Variants in CSNK1G2 observed in about 807,000 individuals in gnomAD.
The protein encoded by CSNK1G2 is casein kinase 1 gamma 2, also known as casein kinase I isoform gamma-2.
CSNK1G2 carries 11 observed loss-of-function variants against 48.0 expected under a neutral mutation model. The observed-to-expected ratio is 0.23, with a 90% confidence interval of 0.14 to 0.38. The LOEUF is 0.38. Ranked by LOEUF, CSNK1G2 falls within the 10% of genes least tolerant of loss-of-function variation. The pLI is 1.00. For synonymous variants in CSNK1G2, 337 were observed against 254.1 expected (o/e 1.33, Z -3.10); for missense variants, 446 against 595.5 (o/e 0.75, Z 2.61).
At chr19:1,976,417 T>C (rs1017603916) in intron 2 of CSNK1G2, among the ~76,000 whole-genome samples, 1 of 152,154 alleles carries the variant, frequency 6.6e-6, no homozygotes, top group Non-Finnish European at 1.5e-5. Context: ...TGAGGCTGTT[T>C]AGGGAACTTG....
chr19:1,954,175 G>T (rs2014895180), intron 1 of CSNK1G2: 1 of 405,164 alleles, frequency 2.5e-6, no homozygotes, highest in Non-Finnish European at 4.9e-6. Flanking sequence ...GTTTGTCCTG[G>T]CCGCGGCAGC....
rs536139991 is a variant in CSNK1G2, at chr19:1,957,447, C to T, written c.-265-12061C>T. ...GCAGCCTGGGAGAGAAGGGGGCTGC[C>T]CCGAGCGGCTTGGGTGGCCGGGCCT... On this transcript the variant is annotated intron_variant, in intron 1 of 11. Transcript: ENST00000255641. The surrounding 1 kb of genome is among the most constrained non-coding windows in gnomAD (Gnocchi z 5.4). Among the ~76,000 whole-genome samples, 1 of 152,304 alleles carries T rather than the reference C, an allele frequency of 6.6e-6. No homozygotes were observed. Among genetic ancestry groups the T allele is most frequent in the Non-Finnish European group, 1.5e-5 (1 of 68,012 alleles).
At chr19:1,962,115 G>C (rs1432086322) in intron 1 of CSNK1G2, among the ~76,000 whole-genome samples, 1 of 150,668 alleles carries the variant, frequency 6.6e-6, no homozygotes, top group African/African-American at 2.4e-5. Context: ...GGATCACCTG[G>C]GGTCAGGAGT....
Position 1,978,164 on chromosome 19 carries a change from G to C in CSNK1G2, c.188-141G>C. On this transcript the variant is annotated intron_variant, in intron 2 of 11. Transcript: ENST00000255641. This position sits in a 1 kb window ranked among gnomAD's most constrained non-coding sequence, Gnocchi z 7.3. ...GCAGTGCTCTGGCAGGCTGGGCCCA[G>C]GCCCTGCTGCTGGGCAGTGGTGTCA... 1.2e-6 allele frequency: 1 copy of C among 850,836 alleles called. No homozygotes were observed. The highest frequency in any genetic ancestry group is 1.9e-6 in the Non-Finnish European group (1 of 512,942). 52.7% of individuals were successfully genotyped at this position (850,836 alleles called of 1,614,324 possible).
intron 1 of CSNK1G2, among the ~76,000 whole-genome samples, chr19:1,959,030 C>T (rs2015102866): frequency 6.7e-6 from 1 of 149,544 alleles, no homozygotes; most frequent in Non-Finnish European, 1.5e-5. Context: ...CCATCTGCTC[C>T]CAGGGTGCGA....
At chr19:1,976,256 A>C (rs1044136200) in intron 2 of CSNK1G2, 13 of 486,200 alleles carry the variant, frequency 2.7e-5, no homozygotes, top group East Asian at 2.1e-4. Context: ...CGCGGGGACC[A>C]GCCCTGGTCC....
intron 2 of CSNK1G2, among the ~76,000 whole-genome samples, chr19:1,971,496 C>T (rs2015568038): frequency 6.6e-6 from 1 of 152,284 alleles, no homozygotes; most frequent in African/African-American, 2.4e-5. Flanking sequence ...CACGTGCAGA[C>T]ACATGCAGAC....
At chr19:1,953,605 G>A (rs1358342173) in intron 1 of CSNK1G2, 4 of 438,610 alleles carry the variant, frequency 9.1e-6, no homozygotes, top group East Asian at 1.4e-4. Flanking sequence ...CCGGTGCTGG[G>A]TGAGTGCCAG....
rs534149153 is a variant in CSNK1G2 at position 1,967,354 on chromosome 19, G to A, written c.-265-2154G>A. ...TCACCCGCGGCCCCTACGTCCTGCCGGTTGGCAGGAAACCTCTTCCCCTGC... is the reference window on the plus strand; with the variant it reads ...TCACCCGCGGCCCCTACGTCCTGCCAGTTGGCAGGAAACCTCTTCCCCTGC... On this transcript the variant is annotated intron_variant, in intron 1 of 11. Transcript: ENST00000255641. Among the ~76,000 whole-genome samples the A allele has an allele frequency of 7.2e-5, 11 of 152,232 alleles. No homozygotes were observed. In the South Asian group the frequency reaches 1.5e-3, roughly 20 times the overall value.
chr19:1,974,395 C>T (rs1441759369), intron 2 of CSNK1G2, among the ~76,000 whole-genome samples: 1 of 152,186 alleles, frequency 6.6e-6, no homozygotes, highest in African/African-American at 2.4e-5. Flanking sequence ...TTCACTCATC[C>T]ACGAGGGCAG....
chr19:1,948,179 C>T (rs562835806), intron 1 of CSNK1G2, among the ~76,000 whole-genome samples: 2 of 152,346 alleles, frequency 1.3e-5, no homozygotes, highest in East Asian at 1.9e-4. Flanking sequence ...TGTCCCTCCC[C>T]CTCTCATCCC....
At chr19:1,961,226 C>T (rs186134735) in intron 1 of CSNK1G2, among the ~76,000 whole-genome samples, 6 of 152,362 alleles carry the variant, frequency 3.9e-5, no homozygotes, top group Admixed American at 6.5e-5. Context: ...GGGCTGTTCC[C>T]GTGGCTCTCA....
Position 1,979,901 on chromosome 19 carries a change from C to T in CSNK1G2, c.1087-10C>T, listed in dbSNP as rs2015919192. ...GGGCGGCCAGCGTGACCCCCTACTG[C>T]CCCCACCAGGCGTTGAACTCCACCA... is the stretch of plus-strand genomic sequence containing the variant. On this transcript the variant is annotated splice_polypyrimidine_tract_variant and intron_variant, in intron 10 of 11. Transcript: ENST00000255641. 1 of 1,607,298 alleles carries T rather than the reference C, an allele frequency of 6.2e-7. No homozygotes were observed. The highest frequency in any genetic ancestry group is 8.5e-7 in the Non-Finnish European group (1 of 1,177,314).
chr19:1,965,252 G>A (rs577421391), intron 1 of CSNK1G2, among the ~76,000 whole-genome samples: 6 of 150,474 alleles, frequency 4.0e-5, no homozygotes, highest in South Asian at 2.1e-4. Flanking sequence ...CCGTGGTGGC[G>A]GGCGCCTTTA....
In CSNK1G2 at chr19:1,979,392, A is replaced by G. The variant is rs758693294; in HGVS notation, c.842A>G (p.Glu281Gly). The change falls in exon 8 of 12, where the codon GAG (glutamate) becomes GGG (glycine). Residue 281 changes from glutamate (E) to glycine (G), a missense_variant. Physicochemically the swap from Glu to Gly is moderately conservative, Grantham distance 98. This residue lies in a region of CSNK1G2 where 258 missense variants were observed against 415.9 expected (regional missense o/e 0.62). Transcript: ENST00000255641. ...GCCACGCCCATCGAGGTGCTCTGCG[A>G]GAACTTCCCAGGTAAGGGGTCCCTG... ...KRATPIEVLC[E>G]NFPEEMATYL... 3.6e-5 allele frequency: 57 copies of G among 1,588,648 alleles called. No homozygotes were observed. The South Asian group carries it at 6.0e-4, about 17-fold the overall frequency.
chr19:1,960,299 C>T (rs2145543516), intron 1 of CSNK1G2, among the ~76,000 whole-genome samples: 1 of 152,346 alleles, frequency 6.6e-6, no homozygotes, highest in Admixed American at 6.5e-5. Flanking sequence ...TGCACGCAGT[C>T]CCCTGAGATG....
chr19:1,976,896 T>C (rs1187226945), intron 2 of CSNK1G2, among the ~76,000 whole-genome samples: 2 of 152,106 alleles, frequency 1.3e-5, no homozygotes, highest in South Asian at 4.1e-4. Flanking sequence ...TGCATCACCA[T>C]GCCAGGCTAA....
At chr19:1,954,066 T>C (rs760671178) in intron 1 of CSNK1G2, 8 of 510,484 alleles carry the variant, frequency 1.6e-5, no homozygotes, top group Non-Finnish European at 2.5e-5. Context: ...CTTCCTCCCA[T>C]GGGGTGGGCG....
In CSNK1G2 at chr19:1,978,214, CCCCTCCT is replaced by C. The variant is rs1192396404; in HGVS notation, c.188-90_188-84del. The C allele has an allele frequency of 4.5e-5, 61 of 1,347,888 alleles. No homozygotes were observed. Among genetic ancestry groups the C allele is most frequent in the Admixed American group, 2.0e-4 (12 of 58,924 alleles). 83.5% of individuals were successfully genotyped at this position (1,347,888 alleles called of 1,614,324 possible). A position where few individuals can be genotyped will look rare whatever the true frequency, so the allele number is the denominator to read the frequency against. On this transcript the variant is annotated intron_variant, in intron 2 of 11. Coordinates refer to ENST00000255641, the MANE Select transcript of CSNK1G2 (RefSeq NM_001319.7). This position sits in a 1 kb window ranked among gnomAD's most constrained non-coding sequence, Gnocchi z 7.3. Reference sequence around the variant, plus strand: ...ATTTGGAGGGTGGTCCTTCAGGGACCCCCTCCTGCCTCCTGCCTCGGGGGTGGGCTGG... The same window carrying C: ...ATTTGGAGGGTGGTCCTTCAGGGACCGCCTCCTGCCTCGGGGGTGGGCTGG...
Sources: allele counts gnomAD v4.1 joint callset (sites outside exome capture counted in the v4.1 genomes callset), GRCh38; gene constraint gnomAD v4.1.1; regional missense constraint gnomAD v4.1.1; non-coding constraint Gnocchi (gnomAD v3.1); transcripts MANE v1.5; gene names NCBI Gene and HGNC (gene_info 2026-07-23, HGNC 2026-07-21).